The following LMX1B variants were observed in gnomAD, a reference collection of about 807,000 sequenced individuals.
LMX1B encodes LIM homeobox transcription factor 1-beta.
LMX1B carries 12 observed loss-of-function variants against 51.4 expected under a neutral mutation model. That is an observed-to-expected ratio of 0.23 (90% CI 0.15 to 0.38). The LOEUF is 0.38. Ranked by LOEUF, LMX1B falls within the 10% of genes least tolerant of loss-of-function variation. LMX1B has a pLI of 1.00. For synonymous variants in LMX1B, 237 were observed against 235.4 expected (o/e 1.01, Z -0.06); for missense variants, 445 against 571.1 (o/e 0.78, Z 2.25).
intron 2 of LMX1B, among the ~76,000 whole-genome samples, chr9:126,686,279 CAAAAA>C (rs5900718): frequency 2.1e-5 from 2 of 93,880 alleles, no homozygotes; most frequent in Non-Finnish European, 4.2e-5. Context: ...GACTCCATCT[CAAAAA>C]AAAAAAAAAA....
chr9:126,664,841 G>GTCCA (rs1184865182), intron 2 of LMX1B, among the ~76,000 whole-genome samples: 2 of 152,168 alleles, frequency 1.3e-5, no homozygotes, highest in Non-Finnish European at 2.9e-5. Context: ...CGCCATCGCA[G>GTCCA]TCCAGCCTGG....
chr9:126,656,448 A>C (rs1588284232), intron 2 of LMX1B, among the ~76,000 whole-genome samples: 1 of 151,236 alleles, frequency 6.6e-6, no homozygotes, highest in South Asian at 2.1e-4. Flanking sequence ...GGATAGATAG[A>C]TCCTCAGAGG....
At chr9:126,675,329 T>A (rs1033582784) in intron 2 of LMX1B, among the ~76,000 whole-genome samples, 8 of 152,098 alleles carry the variant, frequency 5.3e-5, no homozygotes, top group African/African-American at 1.9e-4. Context: ...TGGCTAGGCA[T>A]GGGGTAGAGG....
At chr9:126,652,001 G>GC (rs71493849) in intron 2 of LMX1B, among the ~76,000 whole-genome samples, 1 of 48,738 alleles carries the variant, frequency 2.1e-5, no homozygotes, top group East Asian at 1.1e-3. Flanking sequence ...GGCCAGAGAT[G>GC]GGGGGGGGCC....
intron 2 of LMX1B, among the ~76,000 whole-genome samples, chr9:126,649,162 C>T (rs1835957883): frequency 6.6e-6 from 1 of 152,002 alleles, no homozygotes; most frequent in Non-Finnish European, 1.5e-5. Flanking sequence ...TTCTCTCCGT[C>T]CCCTTCACCT....
intron 2 of LMX1B, among the ~76,000 whole-genome samples, chr9:126,633,118 C>T (rs1052948970): frequency 1.3e-5 from 2 of 152,218 alleles, no homozygotes; most frequent in Admixed American, 6.5e-5. Context: ...CAAGGCCTGG[C>T]ACAAGAGTCA....
Position 126,671,183 on chromosome 9 carries a change from C to G in LMX1B, c.327-19653C>G, listed in dbSNP as rs1836442644. The stretch of plus-strand genomic sequence containing the variant: ...AGGAATTCAATCCCACCCCAGTAAA[C>G]CCAGCTCTGCTTCGCCACCGCCGAG... On this transcript the variant is annotated intron_variant, in intron 2 of 7. Transcript: ENST00000373474. This position sits in a 1 kb window ranked among gnomAD's most constrained non-coding sequence, Gnocchi z 4.4. 1.3e-5 allele frequency among the ~76,000 whole-genome samples: 2 copies of G among 152,230 alleles called. No homozygotes were observed. Among genetic ancestry groups the G allele is most frequent in the African/African-American group, 4.8e-5 (2 of 41,454 alleles).
intron 2 of LMX1B, among the ~76,000 whole-genome samples, chr9:126,681,239 C>T (rs1274303942): frequency 2.6e-5 from 4 of 152,134 alleles, no homozygotes. Context: ...CAGTCTGTGC[C>T]TCTCCCTGAA....
rs13295990 is a variant in LMX1B at position 126,693,308 on chromosome 9, G to C, written c.726G>C (p.Ser242=). 676,545 of 1,599,944 alleles carry C rather than the reference G, an allele frequency of 0.42. 144,190 individuals are homozygous for C. Among genetic ancestry groups the C allele is most frequent in the East Asian group, 0.53 (23,126 of 43,948 alleles). ...RAFKASFEVS[S]KPCRKVRETL... is the part of the protein sequence containing the mutation. ...TCAAGGCCTCCTTCGAGGTCTCGTC[G>C]AAGCCTTGCCGAAAGGTGAGGGGCG... Residue 242 remains serine (S), a synonymous_variant, in exon 4 of 8, where the codon TCG becomes TCC. Coordinates refer to ENST00000373474, the MANE Select transcript of LMX1B (RefSeq NM_001174147.2).
At chr9:126,631,627 AG>A (rs1835639645) in intron 2 of LMX1B, among the ~76,000 whole-genome samples, 1 of 152,194 alleles carries the variant, frequency 6.6e-6, no homozygotes, top group Non-Finnish European at 1.5e-5. Flanking sequence ...AGGCCAGCAC[AG>A]TCCCTGTGCC....
rs574391026 is a variant in LMX1B at position 126,699,893 on chromosome 9, A to C, written c.*3442A>C. ...GACCACCCCTTGCCCGTGCCGTGAC[A>C]TGGAACCTTCATCACTAAGGGGGCT... On this transcript the variant is annotated 3_prime_UTR_variant, in exon 8 of 8. Transcript: ENST00000373474. 8 of 152,384 alleles carry C rather than the reference A, an allele frequency of 5.2e-5. No individual in the cohort carries two copies. Among genetic ancestry groups the C allele is most frequent in the African/African-American group, 1.9e-4 (8 of 41,568 alleles). The allele number at this position is 152,384 out of a possible 1,614,324, so 9.4% of individuals were successfully genotyped here. A position where few individuals can be genotyped will look rare whatever the true frequency, so the allele number is the denominator to read the frequency against.
rs906357499 is a variant in LMX1B, at chr9:126,615,959, G to A, written c.326+390G>A. 1.3e-5 allele frequency among the ~76,000 whole-genome samples: 2 copies of A among 152,226 alleles called. No homozygotes were observed. The highest frequency in any genetic ancestry group is 2.4e-5 in the African/African-American group (1 of 41,462). On this transcript the variant is annotated intron_variant, in intron 2 of 7. Coordinates refer to ENST00000373474, the MANE Select transcript of LMX1B (RefSeq NM_001174147.2). This position sits in a 1 kb window ranked among gnomAD's most constrained non-coding sequence, Gnocchi z 6.0. ...GCCTGGCGGACTGCTTCAAGGGCCT[G>A]GTGTGTGGGGGTTTGGGATTCCTGG...
Position 126,673,654 on chromosome 9 carries a change from G to A in LMX1B, c.327-17182G>A, listed in dbSNP as rs905908614. ...CACCTCCACTCTGGGCAGAGAGGGG[G>A]CATCGGGGGCATGGCTAGGGGCCAG... On this transcript the variant is annotated intron_variant, in intron 2 of 7. Transcript: ENST00000373474. The surrounding 1 kb of genome is among the most constrained non-coding windows in gnomAD (Gnocchi z 4.4). Among the ~76,000 whole-genome samples the A allele has an allele frequency of 1.3e-5, 2 of 152,158 alleles. No homozygotes were observed. Among genetic ancestry groups the A allele is most frequent in the African/African-American group, 4.8e-5 (2 of 41,436 alleles).
intron 2 of LMX1B, among the ~76,000 whole-genome samples, chr9:126,687,292 G>A (rs931297604): frequency 1.3e-5 from 2 of 151,768 alleles, no homozygotes; most frequent in African/African-American, 4.8e-5. Flanking sequence ...GCAGTGGTGC[G>A]GTCTTGGCTC....
chr9:126,637,034 C>T (rs1835725908), intron 2 of LMX1B, among the ~76,000 whole-genome samples: 1 of 152,226 alleles, frequency 6.6e-6, no homozygotes, highest in East Asian at 1.9e-4. Context: ...TGGCATAGGA[C>T]ACCTTGCACC....
At position 126,681,799 on chromosome 9, in the gene LMX1B, G is replaced by T. The variant is rs142757198; in HGVS notation, c.327-9037G>T. On this transcript the variant is annotated intron_variant, in intron 2 of 7. Coordinates refer to ENST00000373474, the MANE Select transcript of LMX1B (RefSeq NM_001174147.2). ...GCCTGTAATCCCAGCTACTTGGGAG[G>T]CTGAGGCAGGAGAATTGCTTGAACC... 8.6e-3 allele frequency among the ~76,000 whole-genome samples: 1,315 copies of T among 152,122 alleles called. 17 individuals carry two copies. The highest frequency in any genetic ancestry group is 0.03 in the African/African-American group (1,257 of 41,466).
Position 126,671,220 on chromosome 9 carries a change from G to T in LMX1B, c.327-19616G>T, listed in dbSNP as rs552046586. Reference sequence around the variant, plus strand: ...TCGCCACCGCCGAGCTCTGAGCTGGGGGGAGGGGACCCCGCTCGGAAATCG... The same window carrying T: ...TCGCCACCGCCGAGCTCTGAGCTGGTGGGAGGGGACCCCGCTCGGAAATCG... On this transcript the variant is annotated intron_variant, in intron 2 of 7. Coordinates refer to ENST00000373474, the MANE Select transcript of LMX1B (RefSeq NM_001174147.2). The surrounding 1 kb of genome is among the most constrained non-coding windows in gnomAD (Gnocchi z 4.4). 6.6e-6 allele frequency among the ~76,000 whole-genome samples: 1 copy of T among 152,328 alleles called. No individual in the cohort carries two copies. The highest frequency in any genetic ancestry group is 2.1e-4 in the South Asian group (1 of 4,822).
chr9:126,675,175 AC>A (rs5900717), intron 2 of LMX1B, among the ~76,000 whole-genome samples: 31,233 of 151,330 alleles, frequency 0.21, 5,003 homozygotes, highest in African/African-American at 0.45. Context: ...ACAAAACAAA[AC>A]CCCCCCAAAA....
Position 126,671,457 on chromosome 9 carries a change from G to A in LMX1B, c.327-19379G>A, listed in dbSNP as rs985616266. Reference sequence around the variant, plus strand: ...GGGGCCCATCTTTGTTCCGAGCAGAGCTCAGACTGCAGAGTGGCTGGGTAA... The same window carrying A: ...GGGGCCCATCTTTGTTCCGAGCAGAACTCAGACTGCAGAGTGGCTGGGTAA... On this transcript the variant is annotated intron_variant, in intron 2 of 7. Transcript: ENST00000373474. This position sits in a 1 kb window ranked among gnomAD's most constrained non-coding sequence, Gnocchi z 4.4. Among the ~76,000 whole-genome samples the A allele has an allele frequency of 1.3e-5, 2 of 152,010 alleles. No individual in the cohort carries two copies. The highest frequency in any genetic ancestry group is 4.8e-5 in the African/African-American group (2 of 41,392).
Sources: allele counts gnomAD v4.1 joint callset (sites outside exome capture counted in the v4.1 genomes callset), GRCh38; gene constraint gnomAD v4.1.1; non-coding constraint Gnocchi (gnomAD v3.1); transcripts MANE v1.5; gene names NCBI Gene and HGNC (gene_info 2026-07-23, HGNC 2026-07-21).